Variants in CRACDL observed in about 807,000 individuals in gnomAD.
The protein encoded by CRACDL is CRACD like, also known as CRACD-like protein.
In CRACDL, 26 loss-of-function variants were observed where a neutral mutation model predicts 70.6. The ratio of observed to expected loss-of-function variants is 0.37; its 90% CI spans 0.27 to 0.51. The LOEUF is 0.51. Ranked by LOEUF, CRACDL falls within the 20% of genes least tolerant of loss-of-function variation. CRACDL has a pLI of 0.94. For synonymous variants in CRACDL, 618 were observed against 615.2 expected (o/e 1.00, Z -0.07); for missense variants, 1,283 against 1,376.9 (o/e 0.93, Z 1.08).
At chr2:98,881,379 G>T (rs2104616312) in intron 1 of CRACDL, among the ~76,000 whole-genome samples, 1 of 152,292 alleles carries the variant, frequency 6.6e-6, no homozygotes, top group East Asian at 1.9e-4. Flanking sequence ...TCCCCAGGTG[G>T]TTCCTCTGCA....
At chr2:98,803,275 C>G (rs1224517807) in intron 7 of CRACDL, among the ~76,000 whole-genome samples, 1 of 152,124 alleles carries the variant, frequency 6.6e-6, no homozygotes, top group Non-Finnish European at 1.5e-5. Flanking sequence ...GCTGGGATTA[C>G]AGGCATGAGC....
chr2:98,889,554 G>A (rs931035032), intron 1 of CRACDL, among the ~76,000 whole-genome samples: 10 of 152,002 alleles, frequency 6.6e-5, no homozygotes, highest in Non-Finnish European at 1.0e-4. Context: ...AAGGAAGACA[G>A]CAGTAATAGT....
intron 7 of CRACDL, among the ~76,000 whole-genome samples, chr2:98,810,981 A>G (rs1320540478): frequency 6.6e-6 from 1 of 152,114 alleles, no homozygotes; most frequent in Non-Finnish European, 1.5e-5. Flanking sequence ...AAAAAAAAAA[A>G]AAAGATGCCC....
intron 7 of CRACDL, among the ~76,000 whole-genome samples, chr2:98,819,008 T>C (rs1203627780): frequency 6.6e-6 from 1 of 152,272 alleles, no homozygotes; most frequent in Non-Finnish European, 1.5e-5. Context: ...TTCTTTCGTT[T>C]TGAAATTCAT....
chr2:98,883,942 C>T (rs1707724427), intron 1 of CRACDL, among the ~76,000 whole-genome samples: 1 of 152,232 alleles, frequency 6.6e-6, no homozygotes, highest in African/African-American at 2.4e-5. Context: ...CCCACACCAC[C>T]TCCAGACAGA....
rs187933903 is a variant in CRACDL at position 98,903,808 on chromosome 2, T to C, written c.-11+32130A>G. ...CATCACTAAATTATGAAGAAAAAGA[T>C]ATTCTTTCCAGGATCATCCTTCAAC... On this transcript the variant is annotated intron_variant, in intron 1 of 9. Transcript: ENST00000397899. Among the ~76,000 whole-genome samples, 47 of 152,366 alleles carry C rather than the reference T, an allele frequency of 3.1e-4. No individual in the cohort carries two copies. The East Asian group carries it at 8.7e-3, about 28-fold the overall frequency.
chr2:98,918,389 C>T (rs1008533685), intron 1 of CRACDL, among the ~76,000 whole-genome samples: 1 of 151,796 alleles, frequency 6.6e-6, no homozygotes, highest in Non-Finnish European at 1.5e-5. Flanking sequence ...AAAAATTAGC[C>T]AGACATGGTG....
chr2:98,933,135 T>TG (rs1348320156), intron 1 of CRACDL, among the ~76,000 whole-genome samples: 1 of 152,008 alleles, frequency 6.6e-6, no homozygotes, highest in Non-Finnish European at 1.5e-5. Flanking sequence ...TCTGGGCCAA[T>TG]GGAAGAGCCA....
chr2:98,876,862 T>C (rs1480253451), intron 1 of CRACDL, among the ~76,000 whole-genome samples: 1 of 152,228 alleles, frequency 6.6e-6, no homozygotes, highest in East Asian at 1.9e-4. Context: ...CAGCATGTGT[T>C]AGGCCCCAGT....
At chr2:98,826,302 G>A (rs919062815) in intron 6 of CRACDL, among the ~76,000 whole-genome samples, 11 of 152,190 alleles carry the variant, frequency 7.2e-5, no homozygotes, top group Non-Finnish European at 1.5e-5. Flanking sequence ...TAGTGTTTCA[G>A]CTTCTTTCAT....
chr2:98,826,901 C>T (rs1705323492), intron 6 of CRACDL, 74 bp downstream of exon 6: 2 of 1,004,522 alleles, frequency 2.0e-6, no homozygotes, highest in African/African-American at 3.6e-5. Context: ...GGGAGTGAGG[C>T]AGGTTGGGGG....
chr2:98,925,421 C>T (rs1708889098), intron 1 of CRACDL, among the ~76,000 whole-genome samples: 1 of 152,190 alleles, frequency 6.6e-6, no homozygotes. Flanking sequence ...CAAATCCCTG[C>T]ATAACTTGTC....
At chr2:98,859,768 T>C (rs1706861916) in intron 1 of CRACDL, among the ~76,000 whole-genome samples, 1 of 152,160 alleles carries the variant, frequency 6.6e-6, no homozygotes, top group African/African-American at 2.4e-5. Context: ...ACATCTACTG[T>C]CACACTGATA....
intron 5 of CRACDL, among the ~76,000 whole-genome samples, chr2:98,827,398 G>A (rs953312953): frequency 3.9e-5 from 6 of 152,130 alleles, no homozygotes; most frequent in African/African-American, 9.7e-5. Flanking sequence ...TGCCACCTGA[G>A]TTCAATCATT....
chr2:98,816,898 A>G (rs1411664406), intron 7 of CRACDL, among the ~76,000 whole-genome samples: 2 of 152,002 alleles, frequency 1.3e-5, no homozygotes, highest in Non-Finnish European at 2.9e-5. Flanking sequence ...AGATATTAAC[A>G]CCCCCTGTTC....
intron 7 of CRACDL, among the ~76,000 whole-genome samples, chr2:98,816,547 G>A (rs140474526): frequency 6.6e-6 from 1 of 152,316 alleles, no homozygotes; most frequent in East Asian, 1.9e-4. Context: ...AGTCAGGGCT[G>A]CTCATCAGAT....
chr2:98,935,960 G>T lies in CRACDL; in HGVS notation c.-33C>A, dbSNP rs1709196893. 6.6e-6 allele frequency: 1 copy of T among 152,152 alleles called. No homozygotes were observed. The highest frequency in any genetic ancestry group is 1.5e-5 in the Non-Finnish European group (1 of 68,030). 9.4% of individuals were successfully genotyped at this position (152,152 alleles called of 1,614,324 possible). ...TACCTGGGACAGGAGCGTGGCCCGG[G>T]CTCGGCGAGACGCGCAGAGAAGGGC... is the stretch of plus-strand genomic sequence containing the variant. On this transcript the variant is annotated 5_prime_UTR_variant, in exon 1 of 10. Coordinates refer to ENST00000397899, the MANE Select transcript of CRACDL (RefSeq NM_207362.3).
chr2:98,822,002 G>C lies in CRACDL; in HGVS notation c.2271C>G (p.Ser757Arg), dbSNP rs1265217813. The C allele has an allele frequency of 6.5e-7, 1 of 1,537,756 alleles. No homozygotes were observed. The highest frequency in any genetic ancestry group is 1.2e-5 in the South Asian group (1 of 82,916). ...KGKARPPEPLSSKPPLPRKPL... is the reference protein window; with the variant it reads ...KGKARPPEPLRSKPPLPRKPL... The stretch of plus-strand genomic sequence containing the variant: ...GCTTCCGGGGCAGGGGCGGCTTGGA[G>C]CTGAGCGGCTCGGGGGGCCGGGCCT... The change falls in exon 7 of 10, where the codon AGC (serine) becomes AGG (arginine). Residue 757 changes from serine to arginine, a missense_variant. By Grantham distance (110) the Ser-to-Arg change is moderately radical. Transcript: ENST00000397899. This position sits in a 1 kb window ranked among gnomAD's most constrained non-coding sequence, Gnocchi z 4.9.
At chr2:98,854,206 G>A (rs939768374) in intron 1 of CRACDL, among the ~76,000 whole-genome samples, 9 of 148,808 alleles carry the variant, frequency 6.0e-5, no homozygotes, top group Admixed American at 1.4e-4. Context: ...GCGTGAACCC[G>A]GGAGGCAGAA....
Sources: allele counts gnomAD v4.1 joint callset (sites outside exome capture counted in the v4.1 genomes callset), GRCh38; gene constraint gnomAD v4.1.1; non-coding constraint Gnocchi (gnomAD v3.1); transcripts MANE v1.5; gene names NCBI Gene and HGNC (gene_info 2026-07-23, HGNC 2026-07-21).